ELMO2: variants seen among roughly 807,000 people sequenced by gnomAD.
The protein encoded by ELMO2 is engulfment and cell motility 2.
Under a neutral mutation model 96.2 loss-of-function variants are expected in ELMO2, and 37 were observed. That is an observed-to-expected ratio of 0.38 (90% CI 0.30 to 0.51). The LOEUF is 0.51. Ranked by LOEUF, ELMO2 falls within the 20% of genes least tolerant of loss-of-function variation. The pLI, the probability that ELMO2 is intolerant of heterozygous loss-of-function variation, is 0.88. For synonymous variants in ELMO2, 315 were observed against 329.4 expected, an observed-to-expected ratio of 0.96 and a Z score of 0.47; for missense variants, 561 against 912.6, an observed-to-expected ratio of 0.61 and a Z score of 4.96.
In ELMO2 at chr20:46,373,542, A is replaced by C; in HGVS notation, c.1280-7T>G. 6.2e-7 allele frequency: 1 copy of C among 1,613,492 alleles called. No homozygotes were observed. The highest frequency in any genetic ancestry group is 8.5e-7 in the Non-Finnish European group (1 of 1,179,470). On this transcript the variant is annotated splice_polypyrimidine_tract_variant and splice_region_variant and intron_variant, in intron 15 of 21. Transcript: ENST00000290246. ...TCATTGCGTCCTTCATTTGCTGTGG[A>C]AGTGAAAAAACAGGGAGAAGATGAA...
Position 46,393,163 on chromosome 20 carries a change from C to G in ELMO2, c.193-20G>C. The G allele has an allele frequency of 6.2e-7, 1 of 1,610,762 alleles. No homozygotes were observed. The highest frequency in any genetic ancestry group is 2.2e-5 in the East Asian group (1 of 44,850). On this transcript the variant is annotated intron_variant, in intron 5 of 21. Transcript: ENST00000290246. ...GCGAGTCTGGGTAGTGAAAAATAAACAAAAAAAGTAACTAAGATAAAATGT... is the reference window on the plus strand; with the variant it reads ...GCGAGTCTGGGTAGTGAAAAATAAAGAAAAAAAGTAACTAAGATAAAATGT...
intron 6 of ELMO2, among the ~76,000 whole-genome samples, chr20:46,391,741 C>T (rs1482256827): frequency 6.6e-6 from 1 of 152,106 alleles, no homozygotes; most frequent in South Asian, 2.1e-4. Flanking sequence ...CTTAAGGGCA[C>T]ATAAAAAATT....
intron 11 of ELMO2, chr20:46,380,042 C>T (rs180956139): frequency 1.3e-5 from 6 of 472,886 alleles, no homozygotes; most frequent in African/African-American, 5.8e-5. Flanking sequence ...CCTGGACGCA[C>T]TGCAATTGCT....
chr20:46,389,707 G>C (rs938739066), intron 6 of ELMO2, among the ~76,000 whole-genome samples: 1 of 152,100 alleles, frequency 6.6e-6, no homozygotes, highest in African/African-American at 2.4e-5. Flanking sequence ...AAATGAGCCA[G>C]GTGTGGTGGT....
chr20:46,398,991 C>A (rs1373737523), intron 1 of ELMO2, among the ~76,000 whole-genome samples: 3 of 152,074 alleles, frequency 2.0e-5, no homozygotes, highest in Admixed American at 6.5e-5. Context: ...TCATTTAATC[C>A]ACACAGCAAT....
chr20:46,387,682 C>CCATATG, intron 7 of ELMO2: 2 of 381,930 alleles, frequency 5.2e-6, no homozygotes, highest in Non-Finnish European at 9.4e-6. Flanking sequence ...TCTTCCTTCT[C>CCATATG]CATATGCTTC....
chr20:46,375,861 A>T lies in ELMO2; in HGVS notation c.808-71T>A. 6.3e-7 allele frequency: 1 copy of T among 1,588,818 alleles called. No homozygotes were observed. Among genetic ancestry groups the T allele is most frequent in the African/African-American group, 1.3e-5 (1 of 74,464 alleles). On this transcript the variant is annotated intron_variant, in intron 11 of 21. Coordinates refer to ENST00000290246, the MANE Select transcript of ELMO2 (RefSeq NM_133171.5). This position sits in a 1 kb window ranked among gnomAD's most constrained non-coding sequence, Gnocchi z 4.6. ...TTAATGAAGGGCCACATCCATGCTAAGGAAAAGGAATGTATGTTGGGAAGG... is the reference window on the plus strand; with the variant it reads ...TTAATGAAGGGCCACATCCATGCTATGGAAAAGGAATGTATGTTGGGAAGG...
At chr20:46,370,575 C>T in intron 19 of ELMO2, 50 bp from the exon 20 acceptor site, 1 of 1,557,212 alleles carries the variant, frequency 6.4e-7, no homozygotes, top group South Asian at 1.1e-5. Context: ...GCAAGCTGGT[C>T]AGTGCCTACA....
intron 10 of ELMO2, among the ~76,000 whole-genome samples, chr20:46,381,883 G>A (rs931654008): frequency 1.2e-4 from 18 of 152,178 alleles, no homozygotes; most frequent in African/African-American, 3.6e-4. Context: ...AGAAGGTGAC[G>A]CATCCATGGT....
chr20:46,383,142 G>C (rs1265938246), intron 10 of ELMO2, among the ~76,000 whole-genome samples: 1 of 152,180 alleles, frequency 6.6e-6, no homozygotes, highest in African/African-American at 2.4e-5. Context: ...TAGACCATAT[G>C]GCCCATAAAG....
At chr20:46,373,322 A>G in intron 16 of ELMO2, 77 bp downstream of exon 16, 2 of 1,579,554 alleles carry the variant, frequency 1.3e-6, no homozygotes, top group Non-Finnish European at 1.7e-6. Flanking sequence ...GGGATTCTCC[A>G]GGTGCCAGCC....
In ELMO2 at chr20:46,370,448, T is replaced by G. The variant is rs368066811; in HGVS notation, c.1879A>C (p.Asn627His). ...AAACTGGCCTCTCTACTCACCTTGT[T>G]CTGTTTCAGAGCACTTTTCTCTTTC... Reference protein sequence around the residue: ...HMKEKSALKQNKEVLELAFSI... With the variant: ...HMKEKSALKQHKEVLELAFSI... The change falls in exon 20 of 22, where the codon AAC (asparagine) becomes CAC (histidine). Residue 627 changes from asparagine (N) to histidine (H), a missense_variant. By Grantham distance (68) the Asn-to-His change is moderately conservative (BLOSUM62 1). Coordinates refer to ENST00000290246, the MANE Select transcript of ELMO2 (RefSeq NM_133171.5). 3.1e-6 allele frequency: 5 copies of G among 1,614,186 alleles called. No homozygotes were observed. Among genetic ancestry groups the G allele is most frequent in the Middle Eastern group, 1.6e-4 (1 of 6,062 alleles).
chr20:46,383,656 T>C (rs998572863), intron 9 of ELMO2, among the ~76,000 whole-genome samples, 162 bp from the exon 10 acceptor site: 3 of 152,190 alleles, frequency 2.0e-5, no homozygotes, highest in African/African-American at 7.2e-5. Context: ...ACCCAGCAAT[T>C]TCACTAATAG....
intron 9 of ELMO2, 80 bp downstream of exon 9, chr20:46,386,044 G>A (rs1324925493): frequency 6.7e-7 from 1 of 1,489,636 alleles, no homozygotes; most frequent in Non-Finnish European, 9.1e-7. Flanking sequence ...GCAAAGGAGA[G>A]TAGGATTGGA....
rs1011473503 is a variant in ELMO2 at position 46,383,552 on chromosome 20, G to A, written c.678-58C>T. ...TTAGAAGACTGAACAGCAAGATGATGCTTAGAAATGGTTTAAAACAATCAC... is the reference window on the plus strand; with the variant it reads ...TTAGAAGACTGAACAGCAAGATGATACTTAGAAATGGTTTAAAACAATCAC... On this transcript the variant is annotated intron_variant, in intron 9 of 21. Coordinates refer to ENST00000290246, the MANE Select transcript of ELMO2 (RefSeq NM_133171.5). The A allele has an allele frequency of 4.6e-5, 67 of 1,444,968 alleles. No individual in the cohort carries two copies. In the African/African-American group the frequency reaches 8.4e-4, roughly 18 times the overall value. 89.5% of individuals were successfully genotyped at this position (1,444,968 alleles called of 1,614,324 possible). A position where few individuals can be genotyped will look rare whatever the true frequency, so the allele number is the denominator to read the frequency against.
rs1303651470 is a variant in ELMO2, at chr20:46,385,984, G to C, written c.677+140C>G. On this transcript the variant is annotated intron_variant, in intron 9 of 21. Transcript: ENST00000290246. Reference sequence around the variant, plus strand: ...AATGATGGGAGAAATTCTGGCAGGAGTGTGGAAGAGGTGATGAATGAAGAA... The same window carrying C: ...AATGATGGGAGAAATTCTGGCAGGACTGTGGAAGAGGTGATGAATGAAGAA... 4 of 891,190 alleles carry C rather than the reference G, an allele frequency of 4.5e-6. No homozygotes were observed. The South Asian group carries it at 7.5e-5, about 17-fold the overall frequency. The allele number at this position is 891,190 out of a possible 1,614,324, so 55.2% of individuals were successfully genotyped here.
chr20:46,390,053 T>G lies in ELMO2; in HGVS notation c.244-833A>C, dbSNP rs1481166369. 3.3e-5 allele frequency among the ~76,000 whole-genome samples: 5 copies of G among 151,988 alleles called. No individual in the cohort carries two copies. The East Asian group carries it at 9.7e-4, about 30-fold the overall frequency. ...CTGTAATCCCAGCTACTCAGGAGGC[T>G]GAGGCAGGAAAATTGCTTGAACCCA... On this transcript the variant is annotated intron_variant, in intron 6 of 21. Coordinates refer to ENST00000290246, the MANE Select transcript of ELMO2 (RefSeq NM_133171.5).
intron 1 of ELMO2, among the ~76,000 whole-genome samples, chr20:46,400,157 A>C (rs2060311658): frequency 6.6e-6 from 1 of 152,176 alleles, no homozygotes; most frequent in Non-Finnish European, 1.5e-5. Context: ...ATAAAAATAA[A>C]ATAAAAAACT....
intron 1 of ELMO2, among the ~76,000 whole-genome samples, chr20:46,405,059 T>A (rs2060404076): frequency 6.6e-6 from 1 of 152,230 alleles, no homozygotes; most frequent in Admixed American, 6.5e-5. Context: ...ATTTGGTAAA[T>A]ATTTATATTG....
Sources: gnomAD v4.1 joint callset for allele counts (sites outside exome capture counted in the v4.1 genomes callset) on GRCh38, gnomAD v4.1.1 for gene constraint, Gnocchi (gnomAD v3.1) non-coding constraint, MANE v1.5 for transcripts, NCBI Gene and HGNC (gene_info 2026-07-23, HGNC 2026-07-21) for gene names.